Variants in FAT3 observed in about 807,000 individuals in gnomAD.
The protein encoded by FAT3 is protocadherin Fat 3.
A neutral mutation model predicts 310.2 loss-of-function variants in FAT3; 95 were observed. That is an observed-to-expected ratio of 0.31 (90% confidence interval 0.26 to 0.36). The LOEUF (loss-of-function observed/expected upper bound fraction) is 0.36. FAT3 is among the 10% of genes least tolerant of loss of function. The pLI, the probability that FAT3 is intolerant of heterozygous loss-of-function variation, is 1.00. For synonymous variants in FAT3, 2,314 were observed against 2,192.9 expected, an observed-to-expected ratio of 1.06 and a Z score of -1.54; for missense variants, 5,408 against 5,715.6, an observed-to-expected ratio of 0.95 and a Z score of 1.74.
intron 3 of FAT3, among the ~76,000 whole-genome samples, chr11:92,596,734 C>G (rs1565443650): frequency 6.6e-6 from 1 of 152,136 alleles, no homozygotes; most frequent in Non-Finnish European, 1.5e-5. Context: ...TTGGCAGACA[C>G]CGTCTATCAT....
At chr11:92,598,215 C>CATATAT (rs148924628) in intron 3 of FAT3, among the ~76,000 whole-genome samples, 2,628 of 136,368 alleles carry the variant, frequency 0.019, 46 homozygotes, top group South Asian at 0.064. Flanking sequence ...TATATGTATA[C>CATATAT]ATATATATAT....
chr11:92,228,292 G>T (rs1184339446), intron 1 of FAT3, among the ~76,000 whole-genome samples: 1 of 152,020 alleles, frequency 6.6e-6, no homozygotes, highest in Non-Finnish European at 1.5e-5. Flanking sequence ...TATTTATTCT[G>T]GTCTCTGGCG....
chr11:92,483,925 G>T (rs1952303325), intron 2 of FAT3, among the ~76,000 whole-genome samples: 1 of 152,212 alleles, frequency 6.6e-6, no homozygotes, highest in Non-Finnish European at 1.5e-5. Context: ...TACCAGGTCT[G>T]CCATAATGCC....
chr11:92,250,421 G>A (rs1299214447), intron 1 of FAT3, among the ~76,000 whole-genome samples: 1 of 151,982 alleles, frequency 6.6e-6, no homozygotes, highest in East Asian at 1.9e-4. Flanking sequence ...TTATGGAAAG[G>A]CCTATGCAGT....
At chr11:92,520,008 G>A (rs1490335073) in intron 2 of FAT3, among the ~76,000 whole-genome samples, 1 of 152,034 alleles carries the variant, frequency 6.6e-6, no homozygotes, top group Non-Finnish European at 1.5e-5. Flanking sequence ...AGTAATGGAA[G>A]TATTCTTCCA....
At chr11:92,742,594 G>A (rs1187566334) in intron 4 of FAT3, among the ~76,000 whole-genome samples, 1 of 152,186 alleles carries the variant, frequency 6.6e-6, no homozygotes, top group Admixed American at 6.5e-5. Context: ...TGGATGGATT[G>A]AAGCTCTTAT....
intron 2 of FAT3, among the ~76,000 whole-genome samples, chr11:92,358,906 C>T (rs146247172): frequency 1.4e-3 from 217 of 152,296 alleles, no homozygotes; most frequent in African/African-American, 4.8e-3. Flanking sequence ...CTTTATTTAA[C>T]CTGTGGGCAT....
At chr11:92,231,173 G>A (rs1369204272) in intron 1 of FAT3, among the ~76,000 whole-genome samples, 1 of 152,206 alleles carries the variant, frequency 6.6e-6, no homozygotes, top group Non-Finnish European at 1.5e-5. Flanking sequence ...GCATGCAGGT[G>A]CACATGGTGT....
At chr11:92,729,655 GA>G (rs1945114022) in intron 4 of FAT3, among the ~76,000 whole-genome samples, 1 of 151,688 alleles carries the variant, frequency 6.6e-6, no homozygotes, top group South Asian at 2.1e-4. Flanking sequence ...TCGATCTCCT[GA>G]CCTCGTGATC....
chr11:92,799,851 G>A lies in FAT3; in HGVS notation c.6838G>A (p.Val2280Ile), dbSNP rs1267607866. The change falls in exon 10 of 28, where the codon GTA (valine) becomes ATA (isoleucine). Residue 2280 changes from valine (V) to isoleucine (I), a missense_variant. Physicochemically the swap from Val to Ile is conservative, Grantham distance 29 (BLOSUM62 3). Coordinates refer to ENST00000525166, the MANE Select transcript of FAT3 (RefSeq NM_001367949.2). The part of the protein sequence containing the change: ...EVTVDLLVND[V>I]NDNPPIFDQP... ...CACTGTTGACTTGCTAGTTAATGAT[G>A]TAAATGACAACCCCCCTATTTTCGA... The A allele has an allele frequency of 4.3e-6, 7 of 1,613,208 alleles. No individual in the cohort carries two copies. Among genetic ancestry groups the A allele is most frequent in the African/African-American group, 1.3e-5 (1 of 74,916 alleles).
At chr11:92,321,154 T>C (rs1189986535) in intron 1 of FAT3, among the ~76,000 whole-genome samples, 1 of 151,994 alleles carries the variant, frequency 6.6e-6, no homozygotes, top group African/African-American at 2.4e-5. Context: ...AACTAATTCT[T>C]GGCCGGGCAC....
At chr11:92,823,218 C>A (rs191591697) in intron 13 of FAT3, among the ~76,000 whole-genome samples, 1 of 152,226 alleles carries the variant, frequency 6.6e-6, no homozygotes, top group Non-Finnish European at 1.5e-5. Flanking sequence ...ATAGAAAACC[C>A]GTTGCATGAT....
chr11:92,844,920 T>C (rs576183350), intron 19 of FAT3, among the ~76,000 whole-genome samples, 188 bp downstream of exon 19: 2 of 152,350 alleles, frequency 1.3e-5, no homozygotes, highest in South Asian at 4.1e-4. Context: ...TGTGCCTAAG[T>C]GAGCAGCACA....
At chr11:92,518,870 A>G (rs569904077) in intron 2 of FAT3, among the ~76,000 whole-genome samples, 6 of 152,246 alleles carry the variant, frequency 3.9e-5, no homozygotes, top group Non-Finnish European at 5.9e-5. Flanking sequence ...TACCGAAACT[A>G]TAAAGCATTC....
chr11:92,576,847 A>C (rs1938508754), intron 3 of FAT3, among the ~76,000 whole-genome samples: 2 of 152,144 alleles, frequency 1.3e-5, no homozygotes, highest in South Asian at 4.1e-4. Context: ...TGTACACTGA[A>C]GCTATTTTTT....
chr11:92,568,475 G>A (rs1374523696), intron 3 of FAT3, among the ~76,000 whole-genome samples: 1 of 152,086 alleles, frequency 6.6e-6, no homozygotes, highest in Non-Finnish European at 1.5e-5. Context: ...TGCCTCACGG[G>A]GATTGATGCT....
At chr11:92,513,931 C>A (rs1017024853) in intron 2 of FAT3, among the ~76,000 whole-genome samples, 20 of 152,180 alleles carry the variant, frequency 1.3e-4, no homozygotes, top group Non-Finnish European at 2.6e-4. Context: ...TCTTTTGGAG[C>A]AAGATGTCAT....
At chr11:92,774,268 G>T in intron 7 of FAT3, 88 bp downstream of exon 7, 2 of 1,367,786 alleles carry the variant, frequency 1.5e-6, no homozygotes, top group Non-Finnish European at 2.0e-6. Context: ...TGTAATGGAA[G>T]TAGTAAATTA....
chr11:92,282,980 C>A (rs1055687907), intron 1 of FAT3, among the ~76,000 whole-genome samples: 6 of 152,024 alleles, frequency 3.9e-5, no homozygotes, highest in Admixed American at 3.3e-4. Context: ...TAATCATCAC[C>A]AACAGATATA....
Sources: allele counts gnomAD v4.1 joint callset (sites outside exome capture counted in the v4.1 genomes callset), GRCh38; gene constraint gnomAD v4.1.1; transcripts MANE v1.5; gene names NCBI Gene and HGNC (gene_info 2026-07-23, HGNC 2026-07-21).